ABCC10: variants seen among roughly 807,000 people sequenced by gnomAD.
ABCC10 encodes the protein ATP-binding cassette sub-family C member 10.
Under a neutral mutation model 143.2 loss-of-function variants are expected in ABCC10, and 110 were observed. The observed-to-expected ratio is 0.77, with a 90% CI of 0.66 to 0.90. The LOEUF is 0.90. Ranked by LOEUF, ABCC10 falls within the 40% of genes least tolerant of loss-of-function variation. The probability of loss-of-function intolerance (pLI) is 0.00; values close to 1 mark genes in which losing one functional copy is unlikely to be tolerated. For synonymous variants in ABCC10, 805 were observed against 846.7 expected (o/e 0.95, Z 0.85); for missense variants, 1,700 against 1,900.5 (o/e 0.89, Z 1.96).
chr6:43,450,566 AG>A, downstream of ABCC10: 1 of 1,572,366 alleles, frequency 6.4e-7, no homozygotes, highest in Non-Finnish European at 8.6e-7. This position sits in a 1 kb window ranked among gnomAD's most constrained non-coding sequence, Gnocchi z 4.5. Context: ...TTCCAGGCTC[AG>A]GGGGCAAGTC....
chr6:43,447,930 C>A lies in ABCC10; in HGVS notation c.3952C>A (p.Gln1318Lys). 1 of 1,613,044 alleles carries A rather than the reference C, an allele frequency of 6.2e-7. No individual in the cohort carries two copies. Among genetic ancestry groups the A allele is most frequent in the Non-Finnish European group, 8.5e-7 (1 of 1,179,972 alleles). ...GGACACCAGCCAGCTGGAGCTGGCCCAGCTCAGGTCTGGGGGAGATGGACT... is the reference window on the plus strand; with the variant it reads ...GGACACCAGCCAGCTGGAGCTGGCCAAGCTCAGGTCTGGGGGAGATGGACT... The part of the protein sequence containing the change: ...GVDTSQLELA[Q>K]LRSQLAIIPQ... The change falls in exon 18 of 22, where the codon CAG becomes AAG. Residue 1318 changes from glutamine (Q) to lysine (K), a missense_variant. Transcript: ENST00000372530.
chr6:43,449,511 GACAGTGCTGACC>G lies in ABCC10; in HGVS notation c.4295_4306del (p.Thr1432_Thr1435del), dbSNP rs757938316. 8.1e-6 allele frequency: 13 copies of G among 1,613,894 alleles called. No homozygotes were observed. The Admixed American group carries it at 8.3e-5, about 10-fold the overall frequency. ...CCATCTGCAAACGCTTTGCCAACAA[GACAGTGCTGACC>G]ATTGCCCATAGGTATGTAAACGCCT... On this transcript the variant is annotated inframe_deletion, in exon 21 of 22. Coordinates refer to ENST00000372530, the MANE Select transcript of ABCC10 (RefSeq NM_001198934.2).
chr6:43,451,972 G>A (rs772154206), downstream of ABCC10: 12 of 1,614,114 alleles, frequency 7.4e-6, no homozygotes, highest in Admixed American at 1.3e-4. This position sits in a 1 kb window ranked among gnomAD's most constrained non-coding sequence, Gnocchi z 4.4. Context: ...CCTTGCGCTC[G>A]CAGTCACGCC....
In ABCC10 at chr6:43,444,326, A is replaced by G. The variant is rs755060660; in HGVS notation, c.2662A>G (p.Ile888Val). ...KAVGQGLALA[I>V]LFSLLLMQAT... ...CGTGGGCCAGGGCTTGGCCTTAGCC[A>G]TCCTCTTCTCTCTGCTTCTCATGCA... Residue 888 changes from isoleucine (I) to valine (V), a missense_variant, in exon 12 of 22, where the codon ATC (isoleucine) becomes GTC (valine). Coordinates refer to ENST00000372530, the MANE Select transcript of ABCC10 (RefSeq NM_001198934.2). 2.5e-6 allele frequency: 4 copies of G among 1,610,446 alleles called. No individual in the cohort carries two copies. Among genetic ancestry groups the G allele is most frequent in the East Asian group, 2.2e-5 (1 of 44,874 alleles).
chr6:43,441,639 G>A (rs1323996324), intron 8 of ABCC10, among the ~76,000 whole-genome samples: 1 of 152,230 alleles, frequency 6.6e-6, no homozygotes, highest in African/African-American at 2.4e-5. Flanking sequence ...ATTGGGGCTT[G>A]AATGAGAGAA....
chr6:43,439,653 G>C (rs965654705), intron 8 of ABCC10, among the ~76,000 whole-genome samples: 1 of 152,100 alleles, frequency 6.6e-6, no homozygotes, highest in Non-Finnish European at 1.5e-5. Flanking sequence ...GCACAATCTC[G>C]GCTCACTGCA....
chr6:43,434,778 T>C lies in ABCC10; in HGVS notation c.1538T>C (p.Leu513Pro), dbSNP rs777133792. ...DAACVYLWAA[L>P]PVVISIVIFI... is the part of the protein sequence containing the mutation. ...GCCTGTGTATACCTGTGGGCTGCCCTACCGGTTGTCATCTCCATCGTTATC... is the reference window on the plus strand; with the variant it reads ...GCCTGTGTATACCTGTGGGCTGCCCCACCGGTTGTCATCTCCATCGTTATC... Residue 513 changes from leucine to proline, a missense_variant, in exon 4 of 22, where the codon CTA becomes CCA. Leu to Pro is a moderately conservative substitution (Grantham distance 98). Transcript: ENST00000372530. 12 of 1,614,184 alleles carry C rather than the reference T, an allele frequency of 7.4e-6. No homozygotes were observed. The Middle Eastern group carries it at 4.9e-4, about 67-fold the overall frequency.
At chr6:43,431,797 T>C in intron 2 of ABCC10, 6 of 1,129,172 alleles carry the variant, frequency 5.3e-6, no homozygotes, top group Non-Finnish European at 6.5e-6. Context: ...ACCCAGGATT[T>C]TTTTTTTCCT....
rs1316957097 is a variant in ABCC10 at position 43,436,118 on chromosome 6, C to T, written c.1766-20C>T. The T allele has an allele frequency of 6.2e-6, 10 of 1,614,106 alleles. No homozygotes were observed. The highest frequency in any genetic ancestry group is 8.5e-6 in the Non-Finnish European group (10 of 1,179,946). On this transcript the variant is annotated intron_variant, in intron 5 of 21. Coordinates refer to ENST00000372530, the MANE Select transcript of ABCC10 (RefSeq NM_001198934.2). ...ATTGTGGTAGATTAGGAGCCCAAAT[C>T]AAGTGGCTTCTCTGTTCAGATCCCC...
At chr6:43,447,439 C>T in intron 17 of ABCC10, 31 bp downstream of exon 17, 1 of 1,602,514 alleles carries the variant, frequency 6.2e-7, no homozygotes, top group Non-Finnish European at 8.5e-7. Context: ...CAGGCCAAAG[C>T]TCTGGAACCC....
At chr6:43,442,057 G>T (rs1179667662) in intron 9 of ABCC10, 97 bp downstream of exon 9, 22 of 1,054,310 alleles carry the variant, frequency 2.1e-5, no homozygotes, top group Non-Finnish European at 3.1e-5. Context: ...ATTTTCCTTA[G>T]CATCTGGTTC....
chr6:43,429,413 G>GC (rs1780888624), intron 2 of ABCC10, among the ~76,000 whole-genome samples: 1 of 2,934 alleles, frequency 3.4e-4, no homozygotes, highest in South Asian at 0.015. Context: ...TGTGTGTGGC[G>GC]GGGGGGAGGG....
rs1280489347 is a variant in ABCC10, at chr6:43,432,479, G to GGGCCCAT, written c.505_511dup (p.Arg171HisfsTer44). On this transcript the variant is annotated frameshift_variant, in exon 3 of 22. Coordinates refer to ENST00000372530, the MANE Select transcript of ABCC10 (RefSeq NM_001198934.2). LOFTEE classifies it high-confidence loss of function. Reference sequence around the variant, plus strand: ...CACACTTCTGCCCCCACTTCTCCCAGGGCCCATGGCCCGCCTATGCTTGCT... The same window carrying GGGCCCAT: ...CACACTTCTGCCCCCACTTCTCCCAGGGCCCATGGCCCATGGCCCGCCTATGCTTGCT... 6.2e-7 allele frequency: 1 copy of GGGCCCAT among 1,611,774 alleles called. No homozygotes were observed. Among genetic ancestry groups the GGGCCCAT allele is most frequent in the Non-Finnish European group, 8.5e-7 (1 of 1,180,030 alleles).
In ABCC10 at chr6:43,433,101, G is replaced by T. The variant is rs140547740; in HGVS notation, c.1121G>T (p.Arg374Leu). The T allele has an allele frequency of 6.2e-7, 1 of 1,614,110 alleles. No individual in the cohort carries two copies. Among genetic ancestry groups the T allele is most frequent in the Non-Finnish European group, 8.5e-7 (1 of 1,179,984 alleles). Reference protein sequence around the residue: ...YCKALQLGPSRPPTGEALNLL... With the variant: ...YCKALQLGPSLPPTGEALNLL... The stretch of plus-strand genomic sequence containing the variant: ...AAGGCTTTACAGCTGGGGCCCAGCC[G>T]CCCTCCTACTGGGGAGGCCCTGAAC... Residue 374 changes from arginine (R) to leucine (L), a missense_variant, in exon 3 of 22, where the codon CGC becomes CTC. Physicochemically the swap from Arg to Leu is moderately radical, Grantham distance 102 (BLOSUM62 -2). Transcript: ENST00000372530.
rs140348023 is a variant in ABCC10 at position 43,432,947 on chromosome 6, G to A, written c.967G>A (p.Gly323Ser). ...AGAGGGGCAGGAGCCACTAAGCCAC[G>A]GCCTGCTCTATGCTCTGGGGCTAGC... ...LEEGQEPLSHGLLYALGLAGG... is the reference protein window; with the variant it reads ...LEEGQEPLSHSLLYALGLAGG... The change falls in exon 3 of 22, where the codon GGC (glycine) becomes AGC (serine). Residue 323 changes from glycine (G) to serine (S), a missense_variant. Gly to Ser is a moderately conservative substitution (Grantham distance 56). Transcript: ENST00000372530. 298 of 1,614,166 alleles carry A rather than the reference G, an allele frequency of 1.8e-4. 2 individuals carry two copies. The African/African-American group carries it at 3.0e-3, about 16-fold the overall frequency.
At position 43,435,855 on chromosome 6, in the gene ABCC10, C is replaced by G. The variant is rs1454401836; in HGVS notation, c.1713C>G (p.Ile571Met). The G allele has an allele frequency of 3.7e-6, 6 of 1,614,070 alleles. No homozygotes were observed. In the East Asian group the frequency reaches 1.1e-4, roughly 30 times the overall value. Residue 571 changes from isoleucine to methionine, a missense_variant, in exon 5 of 22, where the codon ATC becomes ATG. Transcript: ENST00000372530. ...AGGCCAAAGTGTCCTTGGACCGGAT[C>G]CAGCTTTTCCTCGACCTTCCAAACC... is the stretch of plus-strand genomic sequence containing the variant. ...LLEAKVSLDR[I>M]QLFLDLPNHN...
chr6:43,450,590 G>A (rs35056042), downstream of ABCC10: 66,978 of 1,589,348 alleles, frequency 0.042, 1,651 homozygotes, highest in Non-Finnish European at 0.047. This position sits in a 1 kb window ranked among gnomAD's most constrained non-coding sequence, Gnocchi z 4.5. Flanking sequence ...GTGGCAGGGG[G>A]AGCCCTGCTG....
At chr6:43,451,241 G>A (rs200144309), downstream of ABCC10, 39 of 1,613,974 alleles carry the variant, frequency 2.4e-5, no homozygotes, top group Admixed American at 1.3e-4. The surrounding 1 kb of genome is among the most constrained non-coding windows in gnomAD (Gnocchi z 4.4). Context: ...AGCCCTGGTC[G>A]TCCTGGCACT....
rs766217938 is a variant in ABCC10 at position 43,445,161 on chromosome 6, T to C, written c.2877T>C (p.Asn959=). ...PVFPLPKAAP[N]GSSDIRFYLT... The stretch of plus-strand genomic sequence containing the variant: ...TCCCACTGCCCAAAGCTGCCCCCAA[T>C]GGCTCCTCAGACATCCGTTTCTACC... Residue 959 remains asparagine (N), a synonymous_variant, in exon 14 of 22, where the codon AAT becomes AAC. Coordinates refer to ENST00000372530, the MANE Select transcript of ABCC10 (RefSeq NM_001198934.2). 3 of 1,614,076 alleles carry C rather than the reference T, an allele frequency of 1.9e-6. No homozygotes were observed. The highest frequency in any genetic ancestry group is 3.3e-5 in the Admixed American group (2 of 60,022).
Sources: allele counts gnomAD v4.1 joint callset (sites outside exome capture counted in the v4.1 genomes callset), GRCh38; gene constraint gnomAD v4.1.1; non-coding constraint Gnocchi (gnomAD v3.1); transcripts MANE v1.5; gene names NCBI Gene and HGNC (gene_info 2026-07-23, HGNC 2026-07-21).